Variants in DCHS2 observed in about 807,000 individuals in gnomAD.
DCHS2 encodes the protein dachsous cadherin-related 2.
Under a neutral mutation model 182.4 loss-of-function variants are expected in DCHS2, and 142 were observed. The ratio of observed to expected loss-of-function variants is 0.78; its 90% CI spans 0.68 to 0.89. The LOEUF is 0.89. Ranked by LOEUF, DCHS2 falls within the 40% of genes least tolerant of loss-of-function variation. The pLI is 0.00. For missense variants in DCHS2, 4,319 were observed against 4,198.6 expected (o/e 1.03, Z -0.79); for synonymous variants, 1,740 against 1,663.3 (o/e 1.05, Z -1.12).
Position 154,451,357 on chromosome 4 carries a change from C to T in DCHS2, c.2052+37947G>A, listed in dbSNP as rs75459553. 6.5e-3 allele frequency among the ~76,000 whole-genome samples: 997 copies of T among 152,268 alleles called. 1 individual carries two copies. The highest frequency in any genetic ancestry group is 0.011 in the African/African-American group (444 of 41,560). ...CTTAATAGAAATTGGACACTTACTA[C>T]GCTCATCATGAACAGGATGTTAATG... On this transcript the variant is annotated intron_variant, in intron 1 of 19. Transcript: ENST00000357232.
At chr4:154,390,246 C>T (rs1731633940) in intron 1 of DCHS2, among the ~76,000 whole-genome samples, 1 of 142,954 alleles carries the variant, frequency 7.0e-6, no homozygotes, top group East Asian at 2.1e-4. Flanking sequence ...GGTATATCTC[C>T]CAATGCTATC....
intron 16 of DCHS2, among the ~76,000 whole-genome samples, chr4:154,251,580 G>A (rs1732361476): frequency 1.3e-5 from 2 of 152,098 alleles, no homozygotes; most frequent in African/African-American, 4.8e-5. Context: ...GTGCAGTGGT[G>A]CGATCTCAGC....
intron 3 of DCHS2, among the ~76,000 whole-genome samples, chr4:154,343,880 G>C (rs971736294): frequency 6.6e-5 from 10 of 152,142 alleles, no homozygotes; most frequent in Non-Finnish European, 1.5e-4. Context: ...TGGCTTATCT[G>C]CACTTTTGTC....
rs760747667 is a variant in DCHS2 at position 154,334,900 on chromosome 4, G to T, written c.2681C>A (p.Pro894His). The change falls in exon 4 of 20, where the codon CCC becomes CAC. Residue 894 changes from proline to histidine, a missense_variant. Pro to His is a moderately conservative substitution (Grantham distance 77). Transcript: ENST00000357232. ...LVYEDVPEDSPIGTVKAREPL... is the reference protein window; with the variant it reads ...LVYEDVPEDSHIGTVKAREPL... ...CTCTCTTGCTTTCACTGTTCCAATG[G>T]GACTATCTTCAGGCACATCTTCATA... is the stretch of plus-strand genomic sequence containing the variant. 6.8e-6 allele frequency: 11 copies of T among 1,613,916 alleles called. No individual in the cohort carries two copies. Among genetic ancestry groups the T allele is most frequent in the South Asian group, 1.1e-5 (1 of 91,082 alleles).
At chr4:154,399,907 G>A (rs1732086813) in intron 1 of DCHS2, among the ~76,000 whole-genome samples, 1 of 152,120 alleles carries the variant, frequency 6.6e-6, no homozygotes, top group Admixed American at 6.6e-5. Flanking sequence ...GCTGTGAGAG[G>A]GCATAAATCC....
At chr4:154,426,561 A>G (rs1733334107) in intron 1 of DCHS2, among the ~76,000 whole-genome samples, 1 of 152,174 alleles carries the variant, frequency 6.6e-6, no homozygotes, top group African/African-American at 2.4e-5. Context: ...ATCAGTACAA[A>G]TATATAACTA....
At chr4:154,402,659 C>T (rs901907832) in intron 1 of DCHS2, among the ~76,000 whole-genome samples, 1 of 152,122 alleles carries the variant, frequency 6.6e-6, no homozygotes, top group Non-Finnish European at 1.5e-5. Flanking sequence ...AGGGACTTGC[C>T]TTGTCTCAAA....
intron 7 of DCHS2, among the ~76,000 whole-genome samples, chr4:154,325,537 A>G (rs72966153): frequency 0.022 from 3,388 of 152,234 alleles, 120 homozygotes; most frequent in African/African-American, 0.078. Flanking sequence ...CAAGGACCAG[A>G]TTAAAATAAG....
intron 3 of DCHS2, among the ~76,000 whole-genome samples, chr4:154,346,711 G>C (rs534259844): frequency 6.6e-6 from 1 of 151,830 alleles, no homozygotes; most frequent in Non-Finnish European, 1.5e-5. Flanking sequence ...TTTGTCCCTG[G>C]CCAGTGGGAA....
intron 9 of DCHS2, among the ~76,000 whole-genome samples, chr4:154,316,363 C>T (rs1367536244): frequency 6.6e-6 from 1 of 152,054 alleles, no homozygotes. Context: ...ATAAAAGCGA[C>T]CAAGTTACAA....
intron 10 of DCHS2, among the ~76,000 whole-genome samples, chr4:154,305,840 G>A (rs1279039977): frequency 6.6e-5 from 10 of 152,134 alleles, no homozygotes; most frequent in South Asian, 2.1e-4. Flanking sequence ...AAAGTATCAC[G>A]TCATTTCCAT....
In DCHS2 at chr4:154,320,984, G is replaced by A. The variant is rs1736039369; in HGVS notation, c.4415C>T (p.Thr1472Ile). The change falls in exon 9 of 20, where the codon ACA becomes ATA. Residue 1472 changes from threonine (T) to isoleucine (I), a missense_variant. Physicochemically the swap from Thr to Ile is moderately conservative, Grantham distance 89. Coordinates refer to ENST00000357232, the MANE Select transcript of DCHS2 (RefSeq NM_001358235.2). ...FLSKELDYETTSHYLFRVITT... is the reference protein window; with the variant it reads ...FLSKELDYETISHYLFRVITT... The stretch of plus-strand genomic sequence containing the variant: ...AATCACTCTGAAAAGATAATGAGAT[G>A]TCGTCTCATAATCAAGTTCCTTAGA... The A allele has an allele frequency of 1.9e-6, 3 of 1,613,918 alleles. No homozygotes were observed. Among genetic ancestry groups the A allele is most frequent in the African/African-American group, 2.7e-5 (2 of 74,884 alleles).
At chr4:154,427,844 G>A (rs537705632) in intron 1 of DCHS2, among the ~76,000 whole-genome samples, 19 of 152,242 alleles carry the variant, frequency 1.2e-4, no homozygotes, top group Admixed American at 3.9e-4. Context: ...TCTGTAAAAC[G>A]GAAAATATAA....
intron 1 of DCHS2, among the ~76,000 whole-genome samples, chr4:154,438,411 A>G (rs183960397): frequency 6.6e-6 from 1 of 152,120 alleles, no homozygotes; most frequent in African/African-American, 2.4e-5. Flanking sequence ...ACAGTTCGCT[A>G]TTTTCATTAC....
At position 154,236,801 on chromosome 4, in the gene DCHS2, A is replaced by G. The variant is rs114377700; in HGVS notation, c.7851T>C (p.Leu2617=). The change falls in exon 20 of 20, where the codon CTT becomes CTC. Residue 2617 remains leucine (L), a synonymous_variant. Coordinates refer to ENST00000357232, the MANE Select transcript of DCHS2 (RefSeq NM_001358235.2). ...CTCTGTCCAGACTGTGAAGCAACAC[A>G]AGATAACCGACTTGCTTATAAGGAT... ...SEYPYKQVGY[L]VLLHSLDREA... 2,058 of 1,614,044 alleles carry G rather than the reference A, an allele frequency of 1.3e-3. 28 individuals carry two copies. In the African/African-American group the frequency reaches 0.025, roughly 19 times the overall value.
chr4:154,236,990 A>G lies in DCHS2; in HGVS notation c.7662T>C (p.Tyr2554=). 1.9e-6 allele frequency: 3 copies of G among 1,614,040 alleles called. No individual in the cohort carries two copies. The South Asian group carries it at 3.3e-5, about 18-fold the overall frequency. Residue 2554 remains tyrosine (Y), a synonymous_variant, in exon 20 of 20, where the codon TAT becomes TAC. Coordinates refer to ENST00000357232, the MANE Select transcript of DCHS2 (RefSeq NM_001358235.2). The part of the protein sequence containing the change: ...NYAPEFTVKS[Y]NLSLSEDALV... ...GAGCATCCTCACTTAGGCTAAGATT[A>G]TAGGATTTGACTGTGAATTCAGGGG...
intron 9 of DCHS2, among the ~76,000 whole-genome samples, chr4:154,318,905 A>G (rs56274873): frequency 0.27 from 40,762 of 151,974 alleles, 6,470 homozygotes; most frequent in South Asian, 0.36. Context: ...TAATCTTGAG[A>G]AAGAACAAAG....
At chr4:154,480,790 T>C (rs1735889616) in intron 1 of DCHS2, among the ~76,000 whole-genome samples, 1 of 152,198 alleles carries the variant, frequency 6.6e-6, no homozygotes, top group Non-Finnish European at 1.5e-5. Flanking sequence ...AATATTCTTG[T>C]TAAAATTTAT....
chr4:154,270,072 A>G (rs1733512680), intron 13 of DCHS2, 59 bp from the exon 14 acceptor site: 1 of 1,532,950 alleles, frequency 6.5e-7, no homozygotes, highest in African/African-American at 1.4e-5. Flanking sequence ...ATGGAAACAC[A>G]AGAGAAAATA....
Sources: gnomAD v4.1 joint callset for allele counts (sites outside exome capture counted in the v4.1 genomes callset) on GRCh38, gnomAD v4.1.1 for gene constraint, MANE v1.5 for transcripts, NCBI Gene and HGNC (gene_info 2026-07-23, HGNC 2026-07-21) for gene names.